Variants in RGS9 observed in about 807,000 individuals in gnomAD.
The protein encoded by RGS9 is regulator of G protein signaling 9, also known as regulator of G-protein signalling 9.
RGS9 carries 78 observed loss-of-function variants against 102.0 expected under a neutral mutation model. The observed-to-expected ratio is 0.76, with a 90% CI of 0.64 to 0.92. The LOEUF (loss-of-function observed/expected upper bound fraction) is 0.92. RGS9 is among the 40% of genes least tolerant of loss of function. RGS9 has a pLI of 0.00. For synonymous variants in RGS9, 353 were observed against 318.6 expected, an observed-to-expected ratio of 1.11 and a Z score of -1.15; for missense variants, 833 against 866.1, an observed-to-expected ratio of 0.96 and a Z score of 0.48.
intron 1 of RGS9, 110 bp from the exon 2 acceptor site, chr17:65,153,312 C>T: frequency 1.1e-6 from 1 of 914,704 alleles, no homozygotes; most frequent in East Asian, 2.4e-5. Flanking sequence ...GATGGGGAAC[C>T]CCTGTGTCCA....
At chr17:65,161,697 T>TA (rs1910988370) in intron 6 of RGS9, among the ~76,000 whole-genome samples, 1 of 149,368 alleles carries the variant, frequency 6.7e-6, no homozygotes, top group African/African-American at 2.5e-5. Context: ...TGTGTTTTTA[T>TA]TTTTATTTAT....
At chr17:65,200,500 A>AGATGGTTTAC (rs370426568) in intron 13 of RGS9, among the ~76,000 whole-genome samples, 13 of 152,340 alleles carry the variant, frequency 8.5e-5, no homozygotes, top group African/African-American at 3.1e-4. Flanking sequence ...GCTATGGGCA[A>AGATGGTTTAC]GATGGTTTAC....
intron 9 of RGS9, 24 bp from the exon 10 acceptor site, chr17:65,189,262 C>G: frequency 6.2e-7 from 1 of 1,605,056 alleles, no homozygotes; most frequent in South Asian, 1.1e-5. Context: ...ATCTGCCTAA[C>G]GGTTTTGTTT....
chr17:65,179,937 G>C (rs956749326), intron 9 of RGS9: 1 of 152,214 alleles, frequency 6.6e-6, no homozygotes, highest in South Asian at 2.1e-4. Flanking sequence ...GGTGTGATAC[G>C]GGCTGTGTCT....
In RGS9 at chr17:65,210,497, C is replaced by T; in HGVS notation, c.1299C>T (p.Leu433=). ...CTGTCCTTCCTTCCAGCTCCACCCT[C>T]CCTTTTATGCGGCGTCACCTGCGCT... ...PQETTKKSST[L]PFMRRHLRSS... is the part of the protein sequence containing the mutation. The change falls in exon 17 of 19, where the codon CTC becomes CTT. Residue 433 remains leucine (L), a synonymous_variant. Coordinates refer to ENST00000262406, the MANE Select transcript of RGS9 (RefSeq NM_003835.4). 6.2e-7 allele frequency: 1 copy of T among 1,613,428 alleles called. No individual in the cohort carries two copies. The highest frequency in any genetic ancestry group is 1.3e-5 in the African/African-American group (1 of 75,020).
At chr17:65,145,215 A>G (rs1460684987) in intron 1 of RGS9, among the ~76,000 whole-genome samples, 1 of 149,012 alleles carries the variant, frequency 6.7e-6, no homozygotes, top group African/African-American at 2.5e-5. Flanking sequence ...CTCAGCCTCT[A>G]GAGTAGCTGG....
rs112556499 is a variant in RGS9, at chr17:65,182,735, C to G, written c.654+4932C>G. On this transcript the variant is annotated intron_variant, in intron 9 of 18. Coordinates refer to ENST00000262406, the MANE Select transcript of RGS9 (RefSeq NM_003835.4). Reference sequence around the variant, plus strand: ...TCTGTAGCTCATGGGCCTCCCTGATCCAACCGCTGCTCCCCTCTCCACCCC... The same window carrying G: ...TCTGTAGCTCATGGGCCTCCCTGATGCAACCGCTGCTCCCCTCTCCACCCC... Among the ~76,000 whole-genome samples the G allele has an allele frequency of 8.9e-3, 1,359 of 152,290 alleles. 19 individuals are homozygous for G. The highest frequency in any genetic ancestry group is 0.031 in the African/African-American group (1,300 of 41,550).
intron 17 of RGS9, among the ~76,000 whole-genome samples, chr17:65,217,198 C>A (rs1417178869): frequency 6.6e-6 from 1 of 152,146 alleles, no homozygotes; most frequent in African/African-American, 2.4e-5. Flanking sequence ...AGCCACCCTG[C>A]AATTAGCTGG....
chr17:65,207,580 T>C (rs1913114543), intron 15 of RGS9, among the ~76,000 whole-genome samples: 1 of 152,188 alleles, frequency 6.6e-6, no homozygotes, highest in Admixed American at 6.5e-5. Flanking sequence ...ACTGGCTACA[T>C]TTACAACATA....
At chr17:65,210,395 C>T in intron 16 of RGS9, 93 bp from the exon 17 acceptor site, 1 of 1,445,776 alleles carries the variant, frequency 6.9e-7, no homozygotes, top group Non-Finnish European at 9.7e-7. Flanking sequence ...AGATTCTGGA[C>T]CTTCCAGCCC....
intron 1 of RGS9, among the ~76,000 whole-genome samples, chr17:65,151,700 G>A (rs1174692849): frequency 6.6e-6 from 1 of 152,194 alleles, no homozygotes; most frequent in Admixed American, 6.5e-5. Context: ...GCATTTTCTA[G>A]TTTGGTAACT....
chr17:65,138,017 G>C (rs928462203), intron 1 of RGS9, among the ~76,000 whole-genome samples: 2 of 152,250 alleles, frequency 1.3e-5, no homozygotes, highest in African/African-American at 4.8e-5. Flanking sequence ...TGAAAACGGG[G>C]TGATTTGTAG....
chr17:65,161,698 TTTTATTTATATA>T (rs575625985), intron 6 of RGS9, among the ~76,000 whole-genome samples: 1,847 of 150,338 alleles, frequency 0.012, 45 homozygotes, highest in African/African-American at 0.043. Context: ...GTGTTTTTAT[TTTTATTTATATA>T]TTTATTTATT....
chr17:65,172,608 G>A (rs1172635332), intron 8 of RGS9, among the ~76,000 whole-genome samples: 1 of 152,140 alleles, frequency 6.6e-6, no homozygotes, highest in East Asian at 1.9e-4. Context: ...TCTATGCCGG[G>A]TGCTTACTAG....
intron 2 of RGS9, among the ~76,000 whole-genome samples, chr17:65,155,269 C>G (rs898535137): frequency 5.3e-5 from 8 of 152,214 alleles, no homozygotes; most frequent in African/African-American, 1.9e-4. Context: ...CCCTGTCCCC[C>G]TCCCTGCCTT....
intron 2 of RGS9, among the ~76,000 whole-genome samples, chr17:65,155,826 C>T (rs1910747107): frequency 6.6e-6 from 1 of 152,170 alleles, no homozygotes; most frequent in Non-Finnish European, 1.5e-5. Context: ...GTGGTGGTAG[C>T]TAGTGCTTTC....
At chr17:65,224,680 G>T (rs1905537003) in intron 17 of RGS9, among the ~76,000 whole-genome samples, 1 of 152,204 alleles carries the variant, frequency 6.6e-6, no homozygotes, top group East Asian at 1.9e-4. Context: ...GAGTTGAGGG[G>T]TGATCGGGAA....
At chr17:65,195,254 T>C (rs781782037) in intron 12 of RGS9, among the ~76,000 whole-genome samples, 1 of 152,064 alleles carries the variant, frequency 6.6e-6, no homozygotes, top group Non-Finnish European at 1.5e-5. Context: ...GGAGGAGAGA[T>C]GGATGGCCGC....
chr17:65,177,681 A>C lies in RGS9; in HGVS notation c.583-51A>C, dbSNP rs774359402. 3.9e-6 allele frequency: 6 copies of C among 1,548,066 alleles called. No homozygotes were observed. The African/African-American group carries it at 5.4e-5, about 14-fold the overall frequency. Reference sequence around the variant, plus strand: ...TTAACCAAGACCCACAGTTAACCAGAAACTGGAGACTCTCCCTGTAATGAC... The same window carrying C: ...TTAACCAAGACCCACAGTTAACCAGCAACTGGAGACTCTCCCTGTAATGAC... On this transcript the variant is annotated intron_variant, in intron 8 of 18. Transcript: ENST00000262406.
Sources: allele counts gnomAD v4.1 joint callset (sites outside exome capture counted in the v4.1 genomes callset), GRCh38; gene constraint gnomAD v4.1.1; transcripts MANE v1.5; gene names NCBI Gene and HGNC (gene_info 2026-07-23, HGNC 2026-07-21).